ARHGAP22: variants seen among roughly 807,000 people sequenced by gnomAD.
The protein encoded by ARHGAP22 is rho GTPase-activating protein 22.
A neutral mutation model predicts 59.1 loss-of-function variants in ARHGAP22; 48 were observed. The ratio of observed to expected loss-of-function variants is 0.81; its 90% CI spans 0.64 to 1.03. The LOEUF (loss-of-function observed/expected upper bound fraction) is 1.03, where lower values mean the gene tolerates loss of function less well. Ranked by LOEUF, ARHGAP22 falls within the 50% of genes least tolerant of loss-of-function variation. The probability of loss-of-function intolerance (pLI) is 0.00; values close to 1 mark genes in which losing one functional copy is unlikely to be tolerated. For missense variants in ARHGAP22, 1,015 were observed against 958.7 expected (o/e 1.06, Z -0.78); for synonymous variants, 445 against 416.4 (o/e 1.07, Z -0.84).
chr10:48,583,769 G>T (rs902271395), intron 1 of ARHGAP22, among the ~76,000 whole-genome samples: 1 of 152,142 alleles, frequency 6.6e-6, no homozygotes, highest in Non-Finnish European at 1.5e-5. Flanking sequence ...CTTTGTATTT[G>T]TTCCCTGGGA....
intron 1 of ARHGAP22, among the ~76,000 whole-genome samples, chr10:48,648,816 G>A (rs898058525): frequency 7.9e-5 from 12 of 152,158 alleles, no homozygotes; most frequent in African/African-American, 2.9e-4. Flanking sequence ...TCCTACGATG[G>A]GCAAGGCGGG....
chr10:48,493,783 C>T, intron 3 of ARHGAP22: 1 of 642,320 alleles, frequency 1.6e-6, no homozygotes, highest in Non-Finnish European at 2.4e-6. Flanking sequence ...TCTGTGCCTG[C>T]CACCCTGTGC....
At chr10:48,535,097 G>A (rs1348395446) in intron 3 of ARHGAP22, among the ~76,000 whole-genome samples, 1 of 152,312 alleles carries the variant, frequency 6.6e-6, no homozygotes, top group Admixed American at 6.5e-5. Flanking sequence ...ACACTGTAAG[G>A]AGGGACCTCA....
At chr10:48,569,828 T>C (rs79253060) in intron 2 of ARHGAP22, among the ~76,000 whole-genome samples, 3,279 of 152,278 alleles carry the variant, frequency 0.022, 125 homozygotes, top group African/African-American at 0.076. Flanking sequence ...CAAGACATTG[T>C]CACTTGTGAT....
chr10:48,500,178 CA>C (rs1466447282), intron 3 of ARHGAP22, among the ~76,000 whole-genome samples: 1 of 152,038 alleles, frequency 6.6e-6, no homozygotes, highest in Non-Finnish European at 1.5e-5. Context: ...CCTCTGTAGA[CA>C]ATAATAATTA....
chr10:48,554,896 A>G (rs910841628), intron 3 of ARHGAP22, among the ~76,000 whole-genome samples: 1 of 152,176 alleles, frequency 6.6e-6, no homozygotes, highest in African/African-American at 2.4e-5. Context: ...TAAAGAAAAC[A>G]CTGGCTGACA....
chr10:48,635,679 G>T (rs973890718), intron 1 of ARHGAP22, among the ~76,000 whole-genome samples: 6 of 152,248 alleles, frequency 3.9e-5, no homozygotes, highest in African/African-American at 1.4e-4. Flanking sequence ...TCTTGGGACA[G>T]CAGCAACCTT....
intron 3 of ARHGAP22, among the ~76,000 whole-genome samples, chr10:48,552,721 G>T (rs1216957006): frequency 6.6e-6 from 1 of 152,228 alleles, no homozygotes; most frequent in Non-Finnish European, 1.5e-5. Flanking sequence ...CAAAGCTGAG[G>T]TCACACGAGA....
At chr10:48,633,073 A>G (rs1219808292) in intron 1 of ARHGAP22, among the ~76,000 whole-genome samples, 1 of 152,212 alleles carries the variant, frequency 6.6e-6, no homozygotes, top group Non-Finnish European at 1.5e-5. Context: ...GAAGAGCATG[A>G]GCTCCAGAAG....
intron 3 of ARHGAP22, among the ~76,000 whole-genome samples, chr10:48,497,152 C>G (rs1470178777): frequency 1.3e-5 from 2 of 152,216 alleles, no homozygotes. Context: ...GGACAATCCA[C>G]TGCCTGCACA....
intron 9 of ARHGAP22, among the ~76,000 whole-genome samples, chr10:48,448,652 C>G (rs970845831): frequency 3.4e-5 from 5 of 145,346 alleles, no homozygotes; most frequent in African/African-American, 1.3e-4. Flanking sequence ...ATTCCCCAAT[C>G]ACCTGCTGGA....
Position 48,479,630 on chromosome 10 carries a change from C to T in ARHGAP22, c.451+6G>A. The T allele has an allele frequency of 6.2e-7, 1 of 1,613,900 alleles. No individual in the cohort carries two copies. Among genetic ancestry groups the T allele is most frequent in the African/African-American group, 1.3e-5 (1 of 75,072 alleles). On this transcript the variant is annotated splice_donor_region_variant and intron_variant, in intron 4 of 9. Transcript: ENST00000249601. The stretch of plus-strand genomic sequence containing the variant: ...AGAGGGTGGGCATGCGATCTACGGG[C>T]AGTACCTCCGCCCAGCGGGGCCCAG...
chr10:48,614,014 G>A (rs1245419959), intron 1 of ARHGAP22, among the ~76,000 whole-genome samples: 1 of 151,948 alleles, frequency 6.6e-6, no homozygotes, highest in Non-Finnish European at 1.5e-5. Flanking sequence ...ATAGCATGAA[G>A]GCCCTCACCA....
chr10:48,494,992 G>A (rs187048450), intron 3 of ARHGAP22, among the ~76,000 whole-genome samples: 86 of 152,254 alleles, frequency 5.6e-4, no homozygotes, highest in African/African-American at 1.8e-3. Flanking sequence ...GAGAGCCTTC[G>A]TCAAGGAGCT....
At chr10:48,564,669 G>T (rs1400266832) in intron 2 of ARHGAP22, among the ~76,000 whole-genome samples, 2 of 152,204 alleles carry the variant, frequency 1.3e-5, no homozygotes, top group Non-Finnish European at 2.9e-5. Context: ...ATGTGCTGGG[G>T]CCAGGCCAGC....
intron 3 of ARHGAP22, among the ~76,000 whole-genome samples, chr10:48,535,987 G>A (rs1360656624): frequency 6.6e-6 from 1 of 152,260 alleles, no homozygotes; most frequent in Admixed American, 6.5e-5. Context: ...GCTTGCTGTG[G>A]CCACCTAGCT....
chr10:48,431,260 C>T, the ARHGAP22 span: 1 of 1,610,448 alleles, frequency 6.2e-7, no homozygotes, highest in South Asian at 1.1e-5. Context: ...GGGGGCAGCC[C>T]TCTCCTTTAG....
At chr10:48,454,006 A>C in intron 7 of ARHGAP22, 82 bp downstream of exon 7, 84 of 1,413,158 alleles carry the variant, frequency 5.9e-5, no homozygotes, top group Non-Finnish European at 7.4e-5. Flanking sequence ...CTGACAAGGA[A>C]GAGTTGCGTG....
intron 3 of ARHGAP22, among the ~76,000 whole-genome samples, chr10:48,521,780 C>T (rs1024151236): frequency 7.9e-5 from 12 of 152,220 alleles, no homozygotes; most frequent in African/African-American, 2.7e-4. Context: ...AGTGTGTCCA[C>T]ACATATGTGT....
Sources: allele counts gnomAD v4.1 joint callset (sites outside exome capture counted in the v4.1 genomes callset), GRCh38; gene constraint gnomAD v4.1.1; transcripts MANE v1.5; gene names NCBI Gene and HGNC (gene_info 2026-07-23, HGNC 2026-07-21).